KLHL25: variants seen among roughly 807,000 people sequenced by gnomAD.
The protein encoded by KLHL25 is kelch-like protein 25.
Under a neutral mutation model 30.0 loss-of-function variants are expected in KLHL25, and 41 were observed. The observed-to-expected ratio is 1.37, with a 90% confidence interval of 1.07 to 1.78. The LOEUF is 1.78. KLHL25 is among the 40% of genes most tolerant of loss of function. KLHL25 has a pLI of 0.00. For synonymous variants in KLHL25, 399 were observed against 355.3 expected (o/e 1.12, Z -1.38); for missense variants, 971 against 824.5 (o/e 1.18, Z -2.18).
rs1170921767 is a variant in KLHL25 at position 85,769,114 on chromosome 15, G to C, written c.697C>G (p.Leu233Val). 1.2e-6 allele frequency: 2 copies of C among 1,607,306 alleles called. No individual in the cohort carries two copies. The highest frequency in any genetic ancestry group is 4.5e-5 in the East Asian group (2 of 44,712). The change falls in exon 2 of 3, where the codon CTC (leucine) becomes GTC (valine). Residue 233 changes from leucine to valine, a missense_variant. Coordinates refer to ENST00000337975, the MANE Select transcript of KLHL25 (RefSeq NM_022480.4). ...AGCAAGGCCAGACGCACGCTGCGGA[G>C]GAGCTCGGGCAAGTGGACCTTCCGT... ...EPRKVHLPELLRSVRLALLPS... is the reference protein window; with the variant it reads ...EPRKVHLPELVRSVRLALLPS...
intron 2 of KLHL25, chr15:85,762,084 C>T (rs749873993): frequency 2.0e-5 from 3 of 152,342 alleles, no homozygotes; most frequent in Non-Finnish European, 2.9e-5. Context: ...TCCCCACGTG[C>T]TCAAGTTGTT....
At chr15:85,778,463 G>A (rs2089724119) in intron 1 of KLHL25, among the ~76,000 whole-genome samples, 1 of 152,234 alleles carries the variant, frequency 6.6e-6, no homozygotes, top group African/African-American at 2.4e-5. Flanking sequence ...CACCGTCTCA[G>A]CACTTCACGT....
chr15:85,788,205 CATG>C (rs748685871), intron 1 of KLHL25, among the ~76,000 whole-genome samples: 1 of 152,198 alleles, frequency 6.6e-6, no homozygotes, highest in Non-Finnish European at 1.5e-5. Context: ...CTCTGTGCCT[CATG>C]ATGTCTCTGT....
Position 85,768,181 on chromosome 15 carries a change from C to A in KLHL25, c.1630G>T (p.Gly544Trp). Residue 544 changes from glycine to tryptophan, a missense_variant, in exon 2 of 3, where the codon GGG (glycine) becomes TGG (tryptophan). Gly to Trp is a radical substitution (Grantham distance 184). Transcript: ENST00000337975. ...LASGNKLYVV[G>W]GYFGTQRCKT... Reference sequence around the variant, plus strand: ...CACCTCTGGGTCCCAAAGTAGCCCCCGACCACATAGAGCTTGTTGCCGGAA... The same window carrying A: ...CACCTCTGGGTCCCAAAGTAGCCCCAGACCACATAGAGCTTGTTGCCGGAA... The A allele has an allele frequency of 6.2e-7, 1 of 1,614,216 alleles. No homozygotes were observed. Among genetic ancestry groups the A allele is most frequent in the Non-Finnish European group, 8.5e-7 (1 of 1,180,032 alleles).
intron 1 of KLHL25, among the ~76,000 whole-genome samples, chr15:85,793,052 C>G (rs907384325): frequency 6.6e-6 from 1 of 152,112 alleles, no homozygotes; most frequent in African/African-American, 2.4e-5. Context: ...TCTCACTCAT[C>G]CTACCCTTCC....
rs150727075 is a variant in KLHL25, at chr15:85,788,735, G to A, written c.-11+6031C>T. Among the ~76,000 whole-genome samples the A allele has an allele frequency of 5.3e-5, 8 of 152,256 alleles. No homozygotes were observed. The East Asian group carries it at 1.2e-3, about 22-fold the overall frequency. ...CTTTCCTCAGCTTCTAGTCCACGGC[G>A]AGCCATTCAGAAAACTAAATAAATG... is the stretch of plus-strand genomic sequence containing the variant. On this transcript the variant is annotated intron_variant, in intron 1 of 2. Transcript: ENST00000337975.
At position 85,768,419 on chromosome 15, in the gene KLHL25, G is replaced by A. The variant is rs1351141335; in HGVS notation, c.1392C>T (p.Cys464=). Residue 464 remains cysteine, a synonymous_variant, in exon 2 of 3, where the codon TGC becomes TGT. Coordinates refer to ENST00000337975, the MANE Select transcript of KLHL25 (RefSeq NM_022480.4). ...IHRDMVSKVQ[C]YDPSENRWTI... is the part of the protein sequence containing the mutation. ...TCCACCTGTTCTCCGAGGGGTCATAGCACTGGACCTTGGACACCATGTCCC... is the reference window on the plus strand; with the variant it reads ...TCCACCTGTTCTCCGAGGGGTCATAACACTGGACCTTGGACACCATGTCCC... 2 of 1,613,456 alleles carry A rather than the reference G, an allele frequency of 1.2e-6. No individual in the cohort carries two copies. Among genetic ancestry groups the A allele is most frequent in the African/African-American group, 1.3e-5 (1 of 74,938 alleles).
rs1281064267 is a variant in KLHL25 at position 85,760,535 on chromosome 15, G to A, written c.*501C>T. 2 of 152,208 alleles carry A rather than the reference G, an allele frequency of 1.3e-5. No homozygotes were observed. The highest frequency in any genetic ancestry group is 4.8e-5 in the African/African-American group (2 of 41,436). The allele number at this position is 152,208 out of a possible 1,614,324, so 9.4% of individuals were successfully genotyped here. The stretch of plus-strand genomic sequence containing the variant: ...AAAATCTGTCTTGGTCACCTTTCTG[G>A]TCTCAACCCCTGGGAACCTAGTTTC... On this transcript the variant is annotated 3_prime_UTR_variant, in exon 3 of 3. Coordinates refer to ENST00000337975, the MANE Select transcript of KLHL25 (RefSeq NM_022480.4).
rs201086185 is a variant in KLHL25 at position 85,769,453 on chromosome 15, G to C, written c.358C>G (p.Leu120Val). ...IAINEENAES[L>V]LEAGDMLQFH... The stretch of plus-strand genomic sequence containing the variant: ...TGCAGCATGTCGCCTGCCTCCAGCA[G>C]TGACTCAGCGTTCTCCTCGTTGATG... Residue 120 changes from leucine (L) to valine (V), a missense_variant, in exon 2 of 3, where the codon CTG becomes GTG. Leu to Val is a conservative substitution (Grantham distance 32, BLOSUM62 1). Transcript: ENST00000337975. The C allele has an allele frequency of 1.5e-4, 243 of 1,613,946 alleles. No individual in the cohort carries two copies. The highest frequency in any genetic ancestry group is 1.9e-4 in the Non-Finnish European group (223 of 1,180,022).
At chr15:85,781,973 C>T (rs1476512640) in intron 1 of KLHL25, among the ~76,000 whole-genome samples, 2 of 152,002 alleles carry the variant, frequency 1.3e-5, no homozygotes, top group African/African-American at 2.4e-5. Context: ...CTGCCTCCCT[C>T]TAATGACCTG....
Position 85,774,856 on chromosome 15 carries a change from G to A in KLHL25, c.-10-5036C>T, listed in dbSNP as rs953666404. 2.0e-5 allele frequency among the ~76,000 whole-genome samples: 3 copies of A among 150,926 alleles called. No individual in the cohort carries two copies. In the Admixed American group the frequency reaches 2.0e-4, roughly 10 times the overall value. On this transcript the variant is annotated intron_variant, in intron 1 of 2. Coordinates refer to ENST00000337975, the MANE Select transcript of KLHL25 (RefSeq NM_022480.4). ...AAAATGAAAACCCCTCCCCACTCCC[G>A]CAGTGCGATTCTTTTTTTCTTTTCT...
At chr15:85,773,004 T>C (rs1242851816) in intron 1 of KLHL25, among the ~76,000 whole-genome samples, 1 of 152,244 alleles carries the variant, frequency 6.6e-6, no homozygotes, top group Non-Finnish European at 1.5e-5. Flanking sequence ...GAGCCAATCT[T>C]CCACTGATGG....
At chr15:85,783,647 G>A (rs1025824512) in intron 1 of KLHL25, among the ~76,000 whole-genome samples, 3 of 148,490 alleles carry the variant, frequency 2.0e-5, no homozygotes, top group East Asian at 2.0e-4. Flanking sequence ...AGCTGAGATC[G>A]CACCACTGCA....
chr15:85,794,415 T>C (rs987811682), intron 1 of KLHL25, among the ~76,000 whole-genome samples: 12 of 152,200 alleles, frequency 7.9e-5, no homozygotes, highest in South Asian at 2.1e-4. Flanking sequence ...CCAGGATCAA[T>C]AGTAATTTTT....
chr15:85,765,736 G>A (rs2089618452), intron 2 of KLHL25, among the ~76,000 whole-genome samples: 1 of 150,190 alleles, frequency 6.7e-6, no homozygotes, highest in Admixed American at 6.7e-5. Flanking sequence ...GGAGGCTGAG[G>A]AACGAGAATT....
intron 1 of KLHL25, among the ~76,000 whole-genome samples, chr15:85,785,716 G>A (rs1482158937): frequency 6.6e-6 from 1 of 152,164 alleles, no homozygotes; most frequent in Admixed American, 6.5e-5. Context: ...CCCTGCCTCA[G>A]CCCGCAGCAG....
chr15:85,765,443 C>T lies in KLHL25; in HGVS notation c.*24+2574G>A, dbSNP rs535061859. ...GAGTTTGAGACCAGCCTGGCCAACACGGTGAAACCCCATCTCTACTACAAA... is the reference window on the plus strand; with the variant it reads ...GAGTTTGAGACCAGCCTGGCCAACATGGTGAAACCCCATCTCTACTACAAA... On this transcript the variant is annotated intron_variant, in intron 2 of 2. Coordinates refer to ENST00000337975, the MANE Select transcript of KLHL25 (RefSeq NM_022480.4). 5.2e-4 allele frequency among the ~76,000 whole-genome samples: 79 copies of T among 151,928 alleles called. 1 individual carries two copies. The highest frequency in any genetic ancestry group is 1.8e-3 in the African/African-American group (73 of 41,442).
intron 2 of KLHL25, among the ~76,000 whole-genome samples, chr15:85,767,762 C>T (rs1208078533): frequency 6.6e-6 from 1 of 152,206 alleles, no homozygotes; most frequent in African/African-American, 2.4e-5. Context: ...TGAAGTATAA[C>T]CATGTTTGGG....
rs963258017 is a variant in KLHL25 at position 85,774,766 on chromosome 15, G to C, written c.-10-4946C>G. Among the ~76,000 whole-genome samples, 6 of 152,132 alleles carry C rather than the reference G, an allele frequency of 3.9e-5. No individual in the cohort carries two copies. In the East Asian group the frequency reaches 1.2e-3, roughly 29 times the overall value. On this transcript the variant is annotated intron_variant, in intron 1 of 2. Transcript: ENST00000337975. ...CAGCGCTCAGCCTGCGTAGTACCCAGGCATGAACAGCTCAAATTATCTCTG... is the reference window on the plus strand; with the variant it reads ...CAGCGCTCAGCCTGCGTAGTACCCACGCATGAACAGCTCAAATTATCTCTG...
Sources: gnomAD v4.1 joint callset for allele counts (sites outside exome capture counted in the v4.1 genomes callset) on GRCh38, gnomAD v4.1.1 for gene constraint, MANE v1.5 for transcripts, NCBI Gene and HGNC (gene_info 2026-07-23, HGNC 2026-07-21) for gene names.